FSD1L: variants seen among roughly 807,000 people sequenced by gnomAD.
FSD1L encodes fibronectin type III and SPRY domain containing 1 like, also known as FSD1-like protein.
In FSD1L, 45 loss-of-function variants were observed where a neutral mutation model predicts 71.6. The observed-to-expected ratio is 0.63, with a 90% CI of 0.49 to 0.81. FSD1L has a LOEUF of 0.81. FSD1L is among the 30% of genes least tolerant of loss of function. The probability of loss-of-function intolerance (pLI) is 0.00; values close to 1 mark genes in which losing one functional copy is unlikely to be tolerated. For synonymous variants in FSD1L, 197 were observed against 207.2 expected (o/e 0.95, Z 0.42); for missense variants, 561 against 618.1 (o/e 0.91, Z 0.98).
chr9:105,486,795 G>T (rs1362266134), intron 7 of FSD1L, among the ~76,000 whole-genome samples: 2 of 152,118 alleles, frequency 1.3e-5, no homozygotes, highest in Admixed American at 1.3e-4. Flanking sequence ...AAAAATATAT[G>T]CATGTGGTAA....
At position 105,534,491 on chromosome 9, in the gene FSD1L, A is replaced by G; in HGVS notation, c.1026-2A>G. On this transcript the variant is annotated splice_acceptor_variant, in intron 10 of 13. Transcript: ENST00000481272. LOFTEE classifies it high-confidence loss of function. ...TTTTCTTTTTTCTTTTTGTTTATAT[A>G]GAAGTGGTACACCATCCCCAAAACG... 1 of 1,501,426 alleles carries G rather than the reference A, an allele frequency of 6.7e-7. No homozygotes were observed. The highest frequency in any genetic ancestry group is 9.1e-7 in the Non-Finnish European group (1 of 1,104,068). 93.0% of individuals were successfully genotyped at this position (1,501,426 alleles called of 1,614,324 possible). A position where few individuals can be genotyped will look rare whatever the true frequency, so the allele number is the denominator to read the frequency against.
intron 7 of FSD1L, among the ~76,000 whole-genome samples, chr9:105,488,402 G>A (rs1198231269): frequency 2.0e-5 from 3 of 151,738 alleles, no homozygotes; most frequent in African/African-American, 7.3e-5. Flanking sequence ...GTCTAGATGC[G>A]CCATGGTTTA....
chr9:105,475,243 A>C (rs1831719266), intron 5 of FSD1L, among the ~76,000 whole-genome samples: 1 of 152,202 alleles, frequency 6.6e-6, no homozygotes, highest in Non-Finnish European at 1.5e-5. Flanking sequence ...TCCGGTTGTC[A>C]GAGTAGAAGG....
intron 4 of FSD1L, among the ~76,000 whole-genome samples, chr9:105,470,573 C>T (rs1361952603): frequency 6.6e-6 from 1 of 151,692 alleles, no homozygotes; most frequent in African/African-American, 2.4e-5. Context: ...TGTAGAAATG[C>T]AAATTTTTGT....
At position 105,546,446 on chromosome 9, in the gene FSD1L, G is replaced by T. The variant is rs1443352186; in HGVS notation, c.1556G>T (p.Gly519Val). ...CAGAAAAGTGAAAATGGAATGACTGGTTCAGCTAGCAGCCTGAACAATGTT... is the reference window on the plus strand; with the variant it reads ...CAGAAAAGTGAAAATGGAATGACTGTTTCAGCTAGCAGCCTGAACAATGTT... ...TLQKSENGMTGSASSLNNVVT... is the reference protein window; with the variant it reads ...TLQKSENGMTVSASSLNNVVT... The change falls in exon 14 of 14, where the codon GGT becomes GTT. Residue 519 changes from glycine to valine, a missense_variant. Gly to Val is a moderately radical substitution (Grantham distance 109). Around this residue, in one of 3 missense-constraint regions of FSD1L, gnomAD observed 98 missense variants for 102.3 expected, o/e 0.96. Coordinates refer to ENST00000481272, the MANE Select transcript of FSD1L (RefSeq NM_001145313.3). 6.5e-7 allele frequency: 1 copy of T among 1,550,120 alleles called. No individual in the cohort carries two copies. The highest frequency in any genetic ancestry group is 8.7e-7 in the Non-Finnish European group (1 of 1,146,110).
At chr9:105,490,149 C>T (rs1832827830) in intron 7 of FSD1L, among the ~76,000 whole-genome samples, 1 of 152,220 alleles carries the variant, frequency 6.6e-6, no homozygotes, top group African/African-American at 2.4e-5. Context: ...TATTTCTCCA[C>T]ATCCTCTCCA....
intron 10 of FSD1L, chr9:105,513,709 T>C: frequency 8.6e-7 from 1 of 1,159,708 alleles, no homozygotes; most frequent in South Asian, 1.4e-5. Context: ...AATTTTATCT[T>C]TTAACCAATA....
Position 105,498,223 on chromosome 9 carries a change from A to G in FSD1L, c.587-8176A>G, listed in dbSNP as rs71494538. On this transcript the variant is annotated intron_variant, in intron 7 of 13. Transcript: ENST00000481272. Reference sequence around the variant, plus strand: ...TATTATTATTATTATTATTATTATTATTGTTTTTAGTTTACCAAGGCGAAA... The same window carrying G: ...TATTATTATTATTATTATTATTATTGTTGTTTTTAGTTTACCAAGGCGAAA... Among the ~76,000 whole-genome samples the G allele has an allele frequency of 3.3e-3, 485 of 147,172 alleles. 2 individuals are homozygous for G. The highest frequency in any genetic ancestry group is 0.012 in the Admixed American group (169 of 14,652).
chr9:105,521,837 G>T, intron 10 of FSD1L: 2 of 1,612,422 alleles, frequency 1.2e-6, no homozygotes, highest in South Asian at 1.1e-5. Flanking sequence ...AGGCAGTTTT[G>T]CAGGTGTTTA....
At chr9:105,465,007 G>C (rs984300304) in intron 3 of FSD1L, among the ~76,000 whole-genome samples, 4 of 152,036 alleles carry the variant, frequency 2.6e-5, no homozygotes, top group Admixed American at 2.6e-4. Context: ...TTATTGGTAA[G>C]GGGTCTACTT....
At chr9:105,468,042 A>G in intron 3 of FSD1L, 151 bp from the exon 4 acceptor site, 1 of 498,882 alleles carries the variant, frequency 2.0e-6, no homozygotes, top group Non-Finnish European at 3.2e-6. Flanking sequence ...CTCTTTTTAA[A>G]GCCTTAAGTC....
At chr9:105,543,385 G>T (rs1836754277) in intron 13 of FSD1L, among the ~76,000 whole-genome samples, 1 of 151,916 alleles carries the variant, frequency 6.6e-6, no homozygotes, top group Non-Finnish European at 1.5e-5. Flanking sequence ...TCACTTTATT[G>T]AATTATAGCT....
the FSD1L span, among the ~76,000 whole-genome samples, chr9:105,442,514 A>G: frequency 1.3e-5 from 2 of 150,858 alleles, no homozygotes; most frequent in African/African-American, 4.9e-5. Flanking sequence ...TCCCATCTCT[A>G]CAAAACATAA....
chr9:105,498,194 T>TTATTATTA (rs1174211173), intron 7 of FSD1L, among the ~76,000 whole-genome samples: 1 of 99,836 alleles, frequency 1.0e-5, no homozygotes, highest in Admixed American at 1.1e-4. Flanking sequence ...TTTGGCTTTA[T>TTATTATTA]TATTATTATT....
intron 10 of FSD1L, chr9:105,520,201 T>C: frequency 6.2e-7 from 1 of 1,611,564 alleles, no homozygotes; most frequent in Non-Finnish European, 8.5e-7. Context: ...AAGGACGCAC[T>C]GACTCGCCTC....
At chr9:105,475,870 C>T (rs1278810131) in intron 5 of FSD1L, among the ~76,000 whole-genome samples, 1 of 152,126 alleles carries the variant, frequency 6.6e-6, no homozygotes, top group East Asian at 1.9e-4. Context: ...ATATGTCTAC[C>T]AAATACAAAA....
intron 1 of FSD1L, among the ~76,000 whole-genome samples, chr9:105,455,163 G>C (rs1564075723): frequency 1.3e-5 from 2 of 152,138 alleles, no homozygotes; most frequent in Non-Finnish European, 2.9e-5. Flanking sequence ...GATCCTGTAT[G>C]GCAGACTCAC....
intron 10 of FSD1L, chr9:105,531,027 G>A (rs570500157): frequency 1.5e-4 from 23 of 153,984 alleles, no homozygotes; most frequent in Admixed American, 8.5e-4. Flanking sequence ...TAAGCATGCC[G>A]TATGATAGAT....
intron 13 of FSD1L, among the ~76,000 whole-genome samples, chr9:105,545,249 C>T (rs1836915416): frequency 6.9e-6 from 1 of 144,568 alleles, no homozygotes; most frequent in African/African-American, 2.7e-5. Flanking sequence ...TATAGGAATG[C>T]TTGTGATTTT....
Sources: allele counts gnomAD v4.1 joint callset (sites outside exome capture counted in the v4.1 genomes callset), GRCh38; gene constraint gnomAD v4.1.1; regional missense constraint gnomAD v4.1.1; transcripts MANE v1.5; gene names NCBI Gene and HGNC (gene_info 2026-07-23, HGNC 2026-07-21).